Variants in ANKRD28 observed in about 807,000 individuals in gnomAD.
ANKRD28 encodes the protein serine/threonine-protein phosphatase 6 regulatory ankyrin repeat subunit A.
In ANKRD28, 44 loss-of-function variants were observed where a neutral mutation model predicts 126.5. The observed-to-expected ratio is 0.35, with a 90% CI of 0.27 to 0.45. ANKRD28 has a LOEUF of 0.45. Ranked by LOEUF, ANKRD28 falls within the 20% of genes least tolerant of loss-of-function variation. ANKRD28 has a pLI of 1.00. For synonymous variants in ANKRD28, 442 were observed against 468.5 expected (o/e 0.94, Z 0.73); for missense variants, 1,110 against 1,316.6 (o/e 0.84, Z 2.43).
chr3:15,722,363 AG>A (rs774451247), intron 7 of ANKRD28, among the ~76,000 whole-genome samples: 2 of 152,218 alleles, frequency 1.3e-5, no homozygotes, highest in Non-Finnish European at 2.9e-5. Context: ...CACTGATGCC[AG>A]GGAAGAACAG....
intron 14 of ANKRD28, among the ~76,000 whole-genome samples, chr3:15,703,644 A>G (rs919139461): frequency 1.3e-5 from 2 of 152,208 alleles, no homozygotes; most frequent in Non-Finnish European, 2.9e-5. Context: ...TCTGTTGTTT[A>G]TAAGCCACCC....
chr3:15,797,349 C>T lies in ANKRD28; in HGVS notation c.-828G>A. 4.1e-6 allele frequency: 4 copies of T among 985,132 alleles called. No individual in the cohort carries two copies. The highest frequency in any genetic ancestry group is 4.8e-6 in the Non-Finnish European group (4 of 829,874). The allele number at this position is 985,132 out of a possible 1,614,324, so 61.0% of individuals were successfully genotyped here. On this transcript the variant is annotated 5_prime_UTR_variant, in exon 1 of 28. Coordinates refer to ENST00000683139, the MANE Select transcript of ANKRD28 (RefSeq NM_001349278.2). ...CAGGTTTCCCATATAATAGAAGAAA[C>T]ACAGTTAGCTTTATTCCCATCGATA... is the stretch of plus-strand genomic sequence containing the variant.
Position 15,736,970 on chromosome 3 carries a change from C to T in ANKRD28, c.552+63G>A, listed in dbSNP as rs1477911015. 4 of 1,538,366 alleles carry T rather than the reference C, an allele frequency of 2.6e-6. No individual in the cohort carries two copies. The African/African-American group carries it at 5.5e-5, about 21-fold the overall frequency. ...CCTTTACTATGCAAAAATGCAAGTT[C>T]TTTAATAAGTGGGGGGTGGACAGGA... On this transcript the variant is annotated intron_variant, in intron 5 of 27. Transcript: ENST00000683139.
intron 1 of ANKRD28, among the ~76,000 whole-genome samples, chr3:15,847,474 A>T (rs2061553520): frequency 6.6e-6 from 1 of 152,180 alleles, no homozygotes. Context: ...CTAAAAGCCC[A>T]GCCTCACATT....
At chr3:15,849,534 C>G (rs2061594032) in intron 1 of ANKRD28, among the ~76,000 whole-genome samples, 1 of 152,134 alleles carries the variant, frequency 6.6e-6, no homozygotes, top group Non-Finnish European at 1.5e-5. Context: ...TACACGCAGC[C>G]AAGACATAAA....
intron 18 of ANKRD28, among the ~76,000 whole-genome samples, chr3:15,689,025 C>G (rs1409976326): frequency 6.6e-6 from 1 of 152,222 alleles, no homozygotes; most frequent in Non-Finnish European, 1.5e-5. Context: ...TAGATTATTA[C>G]ATAAACCCAA....
At chr3:15,738,273 G>A (rs973393061) in intron 4 of ANKRD28, among the ~76,000 whole-genome samples, 1 of 152,044 alleles carries the variant, frequency 6.6e-6, no homozygotes, top group Non-Finnish European at 1.5e-5. Context: ...TTTAAAGCTG[G>A]GTGTCTGGGG....
At chr3:15,831,454 A>G (rs1022840547) in intron 1 of ANKRD28, among the ~76,000 whole-genome samples, 1 of 152,216 alleles carries the variant, frequency 6.6e-6, no homozygotes, top group African/African-American at 2.4e-5. Context: ...TCCTGTCCAC[A>G]GTAGGATGTT....
chr3:15,708,160 C>T, intron 13 of ANKRD28, 96 bp from the exon 14 acceptor site: 1 of 1,370,306 alleles, frequency 7.3e-7, no homozygotes, highest in Non-Finnish European at 1.0e-6. Flanking sequence ...GTTACAAATA[C>T]TTTATTTACA....
chr3:15,854,151 G>A lies in ANKRD28; in HGVS notation c.27+5226C>T, dbSNP rs920846267. Among the ~76,000 whole-genome samples the A allele has an allele frequency of 2.3e-4, 35 of 152,188 alleles. No homozygotes were observed. Among genetic ancestry groups the A allele is most frequent in the Admixed American group, 5.2e-4 (8 of 15,286 alleles). On this transcript the variant is annotated intron_variant, in intron 1 of 27. Coordinates refer to the ANKRD28 transcript ENST00000399451. The surrounding 1 kb of genome is among the most constrained non-coding windows in gnomAD (Gnocchi z 4.1). ...CCTGCACATTCTTGCCAAAACCTTC[G>A]CAGGCCCTATTTTAAGGAGGCCCAG...
intron 27 of ANKRD28, among the ~76,000 whole-genome samples, chr3:15,673,647 T>C (rs1449132440): frequency 6.6e-6 from 1 of 152,124 alleles, no homozygotes; most frequent in Admixed American, 6.6e-5. Context: ...AAAGAATAGT[T>C]AGAATATGCT....
At chr3:15,742,154 G>A (rs922732931) in intron 4 of ANKRD28, among the ~76,000 whole-genome samples, 2 of 152,178 alleles carry the variant, frequency 1.3e-5, no homozygotes, top group South Asian at 2.1e-4. Flanking sequence ...CTGCCCGGCC[G>A]CCACCCCGTC....
At chr3:15,799,036 T>C (rs1270607362), upstream of ANKRD28, among the ~76,000 whole-genome samples, 1 of 152,102 alleles carries the variant, frequency 6.6e-6, no homozygotes, top group East Asian at 1.9e-4. Flanking sequence ...CCCAAAGTTG[T>C]ATAAATTAAT....
In ANKRD28 at chr3:15,815,595, C is replaced by A. The variant is rs1305743564; in HGVS notation, c.28-20289G>T. On this transcript the variant is annotated intron_variant, in intron 1 of 27. Coordinates refer to the ANKRD28 transcript ENST00000399451. This position sits in a 1 kb window ranked among gnomAD's most constrained non-coding sequence, Gnocchi z 4.1. ...TTACATGAGTGAGCCACTGCACCAC[C>A]CACACACTTCTTATTGTTCTGAAAG... Among the ~76,000 whole-genome samples the A allele has an allele frequency of 6.6e-6, 1 of 152,076 alleles. No individual in the cohort carries two copies. Among genetic ancestry groups the A allele is most frequent in the African/African-American group, 2.4e-5 (1 of 41,412 alleles).
intron 14 of ANKRD28, among the ~76,000 whole-genome samples, chr3:15,706,465 A>T (rs1339263931): frequency 1.3e-5 from 2 of 152,176 alleles, no homozygotes; most frequent in African/African-American, 4.8e-5. Context: ...TATATGTGCC[A>T]CATTTTCTTA....
chr3:15,731,882 G>GT lies in ANKRD28; in HGVS notation c.640+3527_640+3528insA, dbSNP rs60384362. 66 of 135,702 alleles carry GT rather than the reference G, an allele frequency of 4.9e-4. 2 individuals are homozygous for GT. The highest frequency in any genetic ancestry group is 1.9e-3 in the African/African-American group (62 of 32,954). 8.4% of individuals were successfully genotyped at this position (135,702 alleles called of 1,614,324 possible). On this transcript the variant is annotated intron_variant, in intron 6 of 27. Coordinates refer to ENST00000683139, the MANE Select transcript of ANKRD28 (RefSeq NM_001349278.2). ...AAAAAAAAAAAAAAAAAAGGGGGGG[G>GT]GGGTGTGTGGGGAGGGGACATTTGA...
At position 15,838,553 on chromosome 3, in the gene ANKRD28, C is replaced by A. The variant is rs13080145; in HGVS notation, c.27+20824G>T. Among the ~76,000 whole-genome samples the A allele has an allele frequency of 1.3e-5, 2 of 151,854 alleles. No homozygotes were observed. The highest frequency in any genetic ancestry group is 2.9e-5 in the Non-Finnish European group (2 of 67,958). On this transcript the variant is annotated intron_variant, in intron 1 of 27. Transcript: ENST00000399451. The surrounding 1 kb of genome is among the most constrained non-coding windows in gnomAD (Gnocchi z 4.0). ...CAGGAGTTTGAGACCAGCCTCCAGC[C>A]TGGCCAACATGGTGAAACCCCATTT...
chr3:15,787,193 T>A (rs1026204011), intron 2 of ANKRD28, among the ~76,000 whole-genome samples: 1 of 152,162 alleles, frequency 6.6e-6, no homozygotes, highest in Non-Finnish European at 1.5e-5. Flanking sequence ...AACTCATGTA[T>A]AACATGCTTA....
intron 11 of ANKRD28, 25 bp from the exon 12 acceptor site, chr3:15,711,299 T>C: frequency 6.4e-7 from 1 of 1,558,494 alleles, no homozygotes; most frequent in East Asian, 2.2e-5. Context: ...ACATCTTATT[T>C]ATAACAGACA....
Sources: allele counts gnomAD v4.1 joint callset (sites outside exome capture counted in the v4.1 genomes callset), GRCh38; gene constraint gnomAD v4.1.1; non-coding constraint Gnocchi (gnomAD v3.1); transcripts MANE v1.5; gene names NCBI Gene and HGNC (gene_info 2026-07-23, HGNC 2026-07-21).